DNAAF1: variants seen among roughly 807,000 people sequenced by gnomAD.
DNAAF1 encodes the protein dynein assembly factor 1, axonemal.
Under a neutral mutation model 71.1 loss-of-function variants are expected in DNAAF1, and 65 were observed. The ratio of observed to expected loss-of-function variants is 0.91; its 90% CI spans 0.75 to 1.12. The LOEUF (loss-of-function observed/expected upper bound fraction) is 1.12. DNAAF1 is among the 50% of genes most tolerant of loss of function. The probability of loss-of-function intolerance (pLI) is 0.00; values close to 1 mark genes in which losing one functional copy is unlikely to be tolerated. For synonymous variants in DNAAF1, 414 were observed against 354.6 expected (o/e 1.17, Z -1.88); for missense variants, 1,178 against 899.8 (o/e 1.31, Z -3.96).
chr16:84,158,975 C>T, intron 5 of DNAAF1: 1 of 955,196 alleles, frequency 1.0e-6, no homozygotes, highest in Non-Finnish European at 1.2e-6. Context: ...AAGTGATCCA[C>T]CCACCTCAGC....
intron 5 of DNAAF1, among the ~76,000 whole-genome samples, chr16:84,157,640 G>A (rs559800885): frequency 2.1e-4 from 32 of 151,952 alleles, no homozygotes; most frequent in African/African-American, 5.3e-4. Context: ...ATGTGTTGTC[G>A]TGTGTACTAG....
At position 84,165,777 on chromosome 16, in the gene DNAAF1, A is replaced by C; in HGVS notation, c.864-6A>C. On this transcript the variant is annotated splice_region_variant and splice_polypyrimidine_tract_variant and intron_variant, in intron 6 of 11. Transcript: ENST00000378553. ...CCCTATTTATGTTTCTTTGTTTTTTAAACAGAGCTTGTGCGGAGGCCTGGG... is the reference window on the plus strand; with the variant it reads ...CCCTATTTATGTTTCTTTGTTTTTTCAACAGAGCTTGTGCGGAGGCCTGGG... 6.2e-7 allele frequency: 1 copy of C among 1,613,316 alleles called. No individual in the cohort carries two copies. Among genetic ancestry groups the C allele is most frequent in the South Asian group, 1.1e-5 (1 of 91,062 alleles).
chr16:84,166,010 T>C, intron 7 of DNAAF1, 61 bp downstream of exon 7: 2 of 1,553,202 alleles, frequency 1.3e-6, no homozygotes, highest in South Asian at 2.2e-5. Flanking sequence ...AAGTCTAAGC[T>C]CTCAAACCCA....
At chr16:84,158,885 G>C in intron 5 of DNAAF1, 1 of 260,672 alleles carries the variant, frequency 3.8e-6, no homozygotes, top group Non-Finnish European at 6.0e-6. Context: ...TGCTCACCAT[G>C]ACGCCCAGCT....
At chr16:84,147,544 AC>A (rs2086970205) in intron 1 of DNAAF1, among the ~76,000 whole-genome samples, 1 of 151,912 alleles carries the variant, frequency 6.6e-6, no homozygotes, top group South Asian at 2.1e-4. Flanking sequence ...ATGGAATCTC[AC>A]TATGTTACCC....
At chr16:84,177,013 T>G (rs1248975541) in intron 11 of DNAAF1, 1 of 165,466 alleles carries the variant, frequency 6.0e-6, no homozygotes, top group Non-Finnish European at 1.3e-5. Flanking sequence ...TGCCTTCAGG[T>G]GCACTCCCAA....
intron 5 of DNAAF1, among the ~76,000 whole-genome samples, chr16:84,157,763 A>G (rs1234711817): frequency 6.6e-6 from 1 of 152,216 alleles, no homozygotes; most frequent in Non-Finnish European, 1.5e-5. Flanking sequence ...TAGTTCAGGA[A>G]CAATCTGTAG....
intron 7 of DNAAF1, 197 bp downstream of exon 7, chr16:84,166,146 C>T (rs1033409955): frequency 2.5e-5 from 18 of 706,278 alleles, no homozygotes; most frequent in Middle Eastern, 4.1e-4. Flanking sequence ...TTCTGTCTCC[C>T]GGGTTCAAGC....
chr16:84,175,686 A>C, intron 10 of DNAAF1: 1 of 539,824 alleles, frequency 1.9e-6, no homozygotes. Context: ...AGGTACCAGG[A>C]GGGTGAGGAA....
chr16:84,169,149 C>T (rs1406928153), intron 7 of DNAAF1, among the ~76,000 whole-genome samples: 1 of 140,128 alleles, frequency 7.1e-6, no homozygotes, highest in Non-Finnish European at 1.5e-5. Flanking sequence ...CGGTGACTCA[C>T]TGCAACCTCT....
At position 84,151,808 on chromosome 16, in the gene DNAAF1, C is replaced by T. The variant is rs141625812; in HGVS notation, c.352+1466C>T. On this transcript the variant is annotated intron_variant, in intron 3 of 11. Coordinates refer to ENST00000378553, the MANE Select transcript of DNAAF1 (RefSeq NM_178452.6). ...CCACTTCCAGGCTCTAGGCCTCAGA[C>T]CCTCATAGCTGTCAGCCAGAGGCCT... Among the ~76,000 whole-genome samples, 35 of 152,328 alleles carry T rather than the reference C, an allele frequency of 2.3e-4. No individual in the cohort carries two copies. The East Asian group carries it at 6.2e-3, about 27-fold the overall frequency.
At chr16:84,158,204 G>C (rs912457693) in intron 5 of DNAAF1, among the ~76,000 whole-genome samples, 1 of 151,778 alleles carries the variant, frequency 6.6e-6, no homozygotes, top group African/African-American at 2.4e-5. Context: ...GTCTGGCTCT[G>C]TCTCCAAAAA....
At chr16:84,165,724 C>T in intron 6 of DNAAF1, 59 bp from the exon 7 acceptor site, 2 of 1,512,028 alleles carry the variant, frequency 1.3e-6, no homozygotes, top group South Asian at 1.1e-5. Context: ...GCAAGTTGAT[C>T]AGACAGTGTA....
intron 6 of DNAAF1, among the ~76,000 whole-genome samples, chr16:84,160,424 C>A (rs974664073): frequency 3.9e-5 from 6 of 152,110 alleles, no homozygotes; most frequent in African/African-American, 1.4e-4. Context: ...ATCATCACTG[C>A]TTTTATATGT....
At chr16:84,155,832 C>G in intron 5 of DNAAF1, 83 bp downstream of exon 5, 1 of 1,508,316 alleles carries the variant, frequency 6.6e-7, no homozygotes, top group Non-Finnish European at 9.0e-7. Flanking sequence ...GTCCTTTTGT[C>G]TTTTCTCTCC....
rs1040592692 is a variant in DNAAF1 at position 84,159,636 on chromosome 16, C to T, written c.742-39C>T. On this transcript the variant is annotated intron_variant, in intron 5 of 11. Transcript: ENST00000378553. Reference sequence around the variant, plus strand: ...CACATATAAAATAATTCAATCGCATCTTTCAGTAATCATTTTGGTTCTGCT... The same window carrying T: ...CACATATAAAATAATTCAATCGCATTTTTCAGTAATCATTTTGGTTCTGCT... 3.8e-6 allele frequency: 6 copies of T among 1,582,716 alleles called. No individual in the cohort carries two copies. In the African/African-American group the frequency reaches 6.8e-5, roughly 18 times the overall value.
intron 7 of DNAAF1, 129 bp downstream of exon 7, chr16:84,166,078 C>A: frequency 7.7e-7 from 1 of 1,295,144 alleles, no homozygotes; most frequent in Non-Finnish European, 1.1e-6. Context: ...CAGAGTCTTG[C>A]TCTGTCACTG....
intron 3 of DNAAF1, 89 bp from the exon 4 acceptor site, chr16:84,154,488 G>A: frequency 1.8e-6 from 2 of 1,116,160 alleles, no homozygotes; most frequent in Non-Finnish European, 1.3e-6. Flanking sequence ...CAGACATTCA[G>A]TTCCTAATAG....
chr16:84,146,054 G>T (rs924413715), intron 1 of DNAAF1, among the ~76,000 whole-genome samples: 1 of 152,020 alleles, frequency 6.6e-6, no homozygotes, highest in African/African-American at 2.4e-5. Flanking sequence ...CCAAGATCTC[G>T]CCATTGCATT....
Sources: gnomAD v4.1 joint callset for allele counts (sites outside exome capture counted in the v4.1 genomes callset) on GRCh38, gnomAD v4.1.1 for gene constraint, MANE v1.5 for transcripts, NCBI Gene and HGNC (gene_info 2026-07-23, HGNC 2026-07-21) for gene names.